Variants in KCNB2 observed in about 807,000 individuals in gnomAD.
KCNB2 encodes potassium voltage-gated channel subfamily B member 2.
KCNB2 carries 15 observed loss-of-function variants against 61.5 expected under a neutral mutation model. The observed-to-expected ratio is 0.24, with a 90% confidence interval of 0.16 to 0.38. KCNB2 has a LOEUF of 0.38. Ranked by LOEUF, KCNB2 falls within the 10% of genes least tolerant of loss-of-function variation. The pLI is 1.00. For missense variants in KCNB2, 828 were observed against 1,125.2 expected (o/e 0.74, Z 3.78); for synonymous variants, 457 against 446.0 (o/e 1.02, Z -0.31).
intron 1 of KCNB2, among the ~76,000 whole-genome samples, chr8:72,557,510 G>A (rs1806447736): frequency 1.3e-5 from 2 of 152,160 alleles, no homozygotes; most frequent in Non-Finnish European, 2.9e-5. Flanking sequence ...CTAGGAGTGA[G>A]TGAGTATAAG....
chr8:72,569,078 G>T (rs192013743), intron 2 of KCNB2, among the ~76,000 whole-genome samples: 3 of 152,070 alleles, frequency 2.0e-5, no homozygotes, highest in African/African-American at 7.2e-5. Context: ...ATTCAACTGC[G>T]TGATTCTGTT....
chr8:72,673,819 G>A (rs1170347723), intron 2 of KCNB2, among the ~76,000 whole-genome samples: 2 of 152,112 alleles, frequency 1.3e-5, no homozygotes, highest in Non-Finnish European at 2.9e-5. Flanking sequence ...TATTTTAAGG[G>A]GTACAGAGTT....
chr8:72,657,372 T>C (rs1400063296), intron 2 of KCNB2, among the ~76,000 whole-genome samples: 4 of 152,172 alleles, frequency 2.6e-5, no homozygotes, highest in Admixed American at 6.5e-5. Flanking sequence ...TCAAAATTTA[T>C]TCAGTTAATA....
intron 2 of KCNB2, among the ~76,000 whole-genome samples, chr8:72,741,427 A>G (rs1422812415): frequency 6.6e-6 from 1 of 152,074 alleles, no homozygotes; most frequent in Non-Finnish European, 1.5e-5. Flanking sequence ...TCTTATTATT[A>G]TTATTTCAAT....
At chr8:72,820,134 C>T (rs1266297441) in intron 2 of KCNB2, among the ~76,000 whole-genome samples, 1 of 152,152 alleles carries the variant, frequency 6.6e-6, no homozygotes, top group East Asian at 1.9e-4. Flanking sequence ...CCGCTCATCC[C>T]CTTTGAGCAG....
At chr8:72,908,252 G>A (rs1806214041) in intron 2 of KCNB2, among the ~76,000 whole-genome samples, 1 of 152,118 alleles carries the variant, frequency 6.6e-6, no homozygotes, top group Non-Finnish European at 1.5e-5. Context: ...TTAAGCATCA[G>A]TTCCTCACAG....
chr8:72,687,106 C>G (rs1252531446), intron 2 of KCNB2, among the ~76,000 whole-genome samples: 1 of 152,110 alleles, frequency 6.6e-6, no homozygotes, highest in African/African-American at 2.4e-5. Context: ...TTGATAATGT[C>G]TTCATAAATA....
chr8:72,639,777 A>T lies in KCNB2; in HGVS notation c.579+71464A>T, dbSNP rs542070711. On this transcript the variant is annotated intron_variant, in intron 2 of 2. Transcript: ENST00000523207. ...CCAGTGAAACACGATTTCAAGGGAG[A>T]GGGCATGACATCGGTCTATTTTTTA... Among the ~76,000 whole-genome samples, 25 of 152,134 alleles carry T rather than the reference A, an allele frequency of 1.6e-4. No individual in the cohort carries two copies. In the South Asian group the frequency reaches 5.0e-3, roughly 30 times the overall value.
chr8:72,721,394 T>A (rs1807546551), intron 2 of KCNB2, among the ~76,000 whole-genome samples: 1 of 152,250 alleles, frequency 6.6e-6, no homozygotes. Context: ...GACAAAGACC[T>A]CTTCTCTTTA....
At chr8:72,773,755 A>C (rs898434574) in intron 2 of KCNB2, among the ~76,000 whole-genome samples, 1 of 152,196 alleles carries the variant, frequency 6.6e-6, no homozygotes, top group South Asian at 2.1e-4. Flanking sequence ...CCTAGAGTTC[A>C]TTTACCTTCA....
intron 2 of KCNB2, among the ~76,000 whole-genome samples, chr8:72,869,533 G>A (rs1042508498): frequency 2.1e-4 from 32 of 151,696 alleles, no homozygotes; most frequent in East Asian, 3.9e-4. Flanking sequence ...ATTTAAAAAC[G>A]GACAAAAGAA....
At chr8:72,649,864 A>G (rs1806187466) in intron 2 of KCNB2, among the ~76,000 whole-genome samples, 1 of 152,138 alleles carries the variant, frequency 6.6e-6, no homozygotes, top group African/African-American at 2.4e-5. Context: ...CAACAGGTGA[A>G]ACCTTTAAAT....
At chr8:72,539,238 G>C (rs577214401) in intron 1 of KCNB2, among the ~76,000 whole-genome samples, 1 of 152,252 alleles carries the variant, frequency 6.6e-6, no homozygotes, top group South Asian at 2.1e-4. Context: ...GCATTTAATT[G>C]CCGTTTGAGG....
rs117741852 is a variant in KCNB2 at position 72,808,706 on chromosome 8, T to C, written c.580-127229T>C. ...AGTAAGAAAATAGACAAAGATCCCA[T>C]GTACTTGACATAGTGCCCCACCCCA... On this transcript the variant is annotated intron_variant, in intron 2 of 2. Coordinates refer to ENST00000523207, the MANE Select transcript of KCNB2 (RefSeq NM_004770.3). Among the ~76,000 whole-genome samples the C allele has an allele frequency of 2.1e-3, 315 of 152,284 alleles. 2 individuals carry two copies. The highest frequency in any genetic ancestry group is 4.0e-3 in the Non-Finnish European group (271 of 68,018).
intron 2 of KCNB2, among the ~76,000 whole-genome samples, chr8:72,723,330 G>A (rs1585853531): frequency 6.6e-6 from 1 of 152,134 alleles, no homozygotes; most frequent in South Asian, 2.1e-4. Context: ...TATTTAAAAT[G>A]GGGTAACACT....
chr8:72,619,545 T>A (rs577398032), intron 2 of KCNB2, among the ~76,000 whole-genome samples: 3 of 151,192 alleles, frequency 2.0e-5, no homozygotes, highest in African/African-American at 7.3e-5. Context: ...TTTTTTTTTT[T>A]AATCACACAG....
intron 2 of KCNB2, among the ~76,000 whole-genome samples, chr8:72,865,574 C>A (rs1282560441): frequency 6.6e-6 from 1 of 152,174 alleles, no homozygotes. Context: ...AGTCCCATAA[C>A]AATTGCTTAA....
chr8:72,669,644 T>G (rs1806531129), intron 2 of KCNB2, among the ~76,000 whole-genome samples: 1 of 152,230 alleles, frequency 6.6e-6, no homozygotes, highest in Non-Finnish European at 1.5e-5. Context: ...CATTCAGATT[T>G]TTTACAAGAA....
intron 2 of KCNB2, among the ~76,000 whole-genome samples, chr8:72,890,506 G>T (rs1805879862): frequency 1.3e-5 from 2 of 152,196 alleles, no homozygotes; most frequent in African/African-American, 4.8e-5. Flanking sequence ...CTTCAGACCT[G>T]TGAGGCTCAG....
Sources: allele counts gnomAD v4.1 joint callset (sites outside exome capture counted in the v4.1 genomes callset), GRCh38; gene constraint gnomAD v4.1.1; transcripts MANE v1.5; gene names NCBI Gene and HGNC (gene_info 2026-07-23, HGNC 2026-07-21).